Variants in BAZ2B observed in about 807,000 individuals in gnomAD.
BAZ2B encodes the protein bromodomain adjacent to zinc finger domain protein 2B.
In BAZ2B, 91 loss-of-function variants were observed where a neutral mutation model predicts 246.0. The observed-to-expected ratio is 0.37, with a 90% confidence interval of 0.31 to 0.44. BAZ2B has a LOEUF of 0.44. Ranked by LOEUF, BAZ2B falls within the 20% of genes least tolerant of loss-of-function variation. The pLI, the probability that BAZ2B is intolerant of heterozygous loss-of-function variation, is 1.00. For missense variants in BAZ2B, 2,332 were observed against 2,533.7 expected, an observed-to-expected ratio of 0.92 and a Z score of 1.71; for synonymous variants, 855 against 860.0, an observed-to-expected ratio of 0.99 and a Z score of 0.10.
chr2:159,540,372 A>G (rs2086518314), intron 2 of BAZ2B, among the ~76,000 whole-genome samples: 1 of 152,202 alleles, frequency 6.6e-6, no homozygotes, highest in South Asian at 2.1e-4. Context: ...TATCAATACT[A>G]CAACTGAGGT....
At chr2:159,627,404 A>T in the BAZ2B span, among the ~76,000 whole-genome samples, 1 of 152,144 alleles carries the variant, frequency 6.6e-6, no homozygotes, top group African/African-American at 2.4e-5. Context: ...ATGAACATCA[A>T]TGTGAAAATT....
chr2:159,496,375 TA>T (rs58900011), intron 2 of BAZ2B, among the ~76,000 whole-genome samples: 10,680 of 58,868 alleles, frequency 0.18, 801 homozygotes, highest in Middle Eastern at 0.24. Flanking sequence ...AGACTCCATC[TA>T]AAAAAAAAAA....
intron 6 of BAZ2B, among the ~76,000 whole-genome samples, chr2:159,442,717 T>A (rs1044103793): frequency 3.9e-5 from 6 of 152,318 alleles, no homozygotes; most frequent in South Asian, 2.1e-4. Context: ...ATAATTCTGA[T>A]GAGTCTAAGT....
chr2:159,322,064 T>C (rs930292704), intron 36 of BAZ2B: 1 of 152,062 alleles, frequency 6.6e-6, no homozygotes, highest in African/African-American at 2.4e-5. Context: ...AAAAGAGAAA[T>C]ACCCTATGAG....
rs192298058 is a variant in BAZ2B at position 159,581,206 on chromosome 2, T to C, written c.-45-25341A>G. Among the ~76,000 whole-genome samples, 137 of 151,498 alleles carry C rather than the reference T, an allele frequency of 9.0e-4. 1 individual carries two copies. Among genetic ancestry groups the C allele is most frequent in the African/African-American group, 3.1e-3 (129 of 41,268 alleles). ...TAATATCCAGAATCTACAAAGAACT[T>C]AAACAAATTTACAAGAAAAAAAAAA... On this transcript the variant is annotated intron_variant, in intron 1 of 36. Coordinates refer to ENST00000392783, the MANE Select transcript of BAZ2B (RefSeq NM_013450.4).
At chr2:159,509,658 A>G (rs144887407) in intron 2 of BAZ2B, among the ~76,000 whole-genome samples, 328 of 152,288 alleles carry the variant, frequency 2.2e-3, no homozygotes, top group South Asian at 5.0e-3. Flanking sequence ...AAATTACTAC[A>G]TGAATTGAAA....
the BAZ2B span, among the ~76,000 whole-genome samples, chr2:159,679,859 T>C: frequency 6.6e-6 from 1 of 152,208 alleles, no homozygotes; most frequent in African/African-American, 2.4e-5. Flanking sequence ...TCAAAAATCA[T>C]TCAAAGTGCA....
Position 159,374,749 on chromosome 2 carries a change from T to C in BAZ2B, c.4010A>G (p.Glu1337Gly). 6.2e-7 allele frequency: 1 copy of C among 1,611,740 alleles called. No individual in the cohort carries two copies. Among genetic ancestry groups the C allele is most frequent in the Admixed American group, 1.7e-5 (1 of 60,022 alleles). Residue 1337 changes from glutamate (E) to glycine (G), a missense_variant, in exon 26 of 37, where the codon GAA (glutamate) becomes GGA (glycine). Physicochemically the swap from Glu to Gly is moderately conservative, Grantham distance 98. Coordinates refer to ENST00000392783, the MANE Select transcript of BAZ2B (RefSeq NM_013450.4). ...TTCAACACTTGCTGCTTGGTCACCT[T>C]CATCCTATACATAAGAAAATACAGT... ...KKTDICEDEDEGDQAASVEEL... is the reference protein window; with the variant it reads ...KKTDICEDEDGGDQAASVEEL...
chr2:159,574,884 C>T (rs948841010), intron 1 of BAZ2B, among the ~76,000 whole-genome samples: 8 of 151,854 alleles, frequency 5.3e-5, no homozygotes, highest in African/African-American at 1.7e-4. Context: ...GCAGGAGAAT[C>T]GCTTGAATCC....
chr2:159,499,211 A>C (rs2081459606), intron 2 of BAZ2B, among the ~76,000 whole-genome samples: 1 of 152,068 alleles, frequency 6.6e-6, no homozygotes. Flanking sequence ...CAGTGTGTGT[A>C]TATCTCCTCT....
intron 32 of BAZ2B, chr2:159,337,361 T>A (rs2065859093): frequency 7.6e-7 from 1 of 1,321,338 alleles, no homozygotes. Context: ...TCCGTATGGA[T>A]CACAGACATA....
chr2:159,340,667 G>A (rs2066522073), intron 31 of BAZ2B, among the ~76,000 whole-genome samples: 2 of 151,488 alleles, frequency 1.3e-5, no homozygotes, highest in Non-Finnish European at 1.5e-5. Context: ...AGCCAAGAAA[G>A]CCTTCAGAAA....
intron 3 of BAZ2B, among the ~76,000 whole-genome samples, chr2:159,455,104 C>T (rs1173505109): frequency 6.6e-6 from 1 of 152,048 alleles, no homozygotes; most frequent in Non-Finnish European, 1.5e-5. Context: ...AATAAAGCTT[C>T]CTTATTATCT....
chr2:159,508,363 C>T (rs1373500258), intron 2 of BAZ2B, among the ~76,000 whole-genome samples: 1 of 152,150 alleles, frequency 6.6e-6, no homozygotes, highest in Non-Finnish European at 1.5e-5. Context: ...AAACTAACAA[C>T]ATTTAAACTA....
the BAZ2B span, among the ~76,000 whole-genome samples, chr2:159,686,869 T>C: frequency 7.8e-4 from 119 of 152,018 alleles, no homozygotes; most frequent in African/African-American, 1.6e-3. Flanking sequence ...GGTGAAACCC[T>C]GTCTCTACTA....
chr2:159,624,915 A>G, the BAZ2B span, among the ~76,000 whole-genome samples: 1 of 152,164 alleles, frequency 6.6e-6, no homozygotes, highest in Non-Finnish European at 1.5e-5. Context: ...AACCCAATGC[A>G]AGGAAGCTAA....
chr2:159,527,734 A>G (rs1164479987), intron 2 of BAZ2B, among the ~76,000 whole-genome samples: 1 of 152,238 alleles, frequency 6.6e-6, no homozygotes, highest in Non-Finnish European at 1.5e-5. Context: ...GTAGGCACTT[A>G]GCACAGTTAC....
chr2:159,508,611 T>TA (rs10716586), intron 2 of BAZ2B, among the ~76,000 whole-genome samples: 41 of 150,520 alleles, frequency 2.7e-4, no homozygotes, highest in South Asian at 8.4e-4. Context: ...TTGCCAAAAA[T>TA]AAAAAAAAAA....
the BAZ2B span, among the ~76,000 whole-genome samples, chr2:159,681,816 T>G: frequency 8.5e-3 from 1,295 of 152,142 alleles, 10 homozygotes; most frequent in Non-Finnish European, 0.013. Context: ...TCCCAGCTAC[T>G]CGGGAGGCTG....
Sources: allele counts gnomAD v4.1 joint callset (sites outside exome capture counted in the v4.1 genomes callset), GRCh38; gene constraint gnomAD v4.1.1; transcripts MANE v1.5; gene names NCBI Gene and HGNC (gene_info 2026-07-23, HGNC 2026-07-21).